The following OSBPL3 variants were observed in gnomAD, a reference collection of about 807,000 sequenced individuals.
OSBPL3 encodes oxysterol binding protein like 3.
Under a neutral mutation model 120.1 loss-of-function variants are expected in OSBPL3, and 65 were observed. The ratio of observed to expected loss-of-function variants is 0.54; its 90% CI spans 0.44 to 0.67. The LOEUF (loss-of-function observed/expected upper bound fraction) is 0.67, where lower values mean the gene tolerates loss of function less well. OSBPL3 is among the 30% of genes least tolerant of loss of function. The probability of loss-of-function intolerance (pLI) is 0.00; values close to 1 mark genes in which losing one functional copy is unlikely to be tolerated. For synonymous variants in OSBPL3, 416 were observed against 402.6 expected, an observed-to-expected ratio of 1.03 and a Z score of -0.40; for missense variants, 1,004 against 1,082.1, an observed-to-expected ratio of 0.93 and a Z score of 1.01.
Position 24,872,032 on chromosome 7 carries a change from A to G in OSBPL3, c.134T>C (p.Met45Thr). 1 of 1,613,618 alleles carries G rather than the reference A, an allele frequency of 6.2e-7. No individual in the cohort carries two copies. Among genetic ancestry groups the G allele is most frequent in the Non-Finnish European group, 8.5e-7 (1 of 1,179,604 alleles). The change falls in exon 3 of 23, where the codon ATG becomes ACG. Residue 45 changes from methionine (M) to threonine (T), a missense_variant. Physicochemically the swap from Met to Thr is moderately conservative, Grantham distance 81. Around this residue, in one of 4 missense-constraint regions of OSBPL3, gnomAD observed 255 missense variants for 248.7 expected, o/e 1.03. Transcript: ENST00000313367. The surrounding 1 kb of genome is among the most constrained non-coding windows in gnomAD (Gnocchi z 4.1). ...AACTGGTGGCTCCTGGGTGTAATTC[A>G]TCTCCCCCCTCAGTCCTTCCACCAC... is the stretch of plus-strand genomic sequence containing the variant. ...WEVVEGLRGE[M>T]NYTQEPPVQK...
chr7:24,816,639 T>G lies in OSBPL3; in HGVS notation c.1998A>C (p.Pro666=). 6.2e-7 allele frequency: 1 copy of G among 1,613,086 alleles called. No homozygotes were observed. The highest frequency in any genetic ancestry group is 1.1e-5 in the South Asian group (1 of 91,056). Residue 666 remains proline, a synonymous_variant, in exon 18 of 23, where the codon CCA becomes CCC. Transcript: ENST00000313367. Reference sequence around the variant, plus strand: ...GCAGAGTCACATGGGTTGTGCCAATTGGAACAATTTCCATGGATTTGCCCC... The same window carrying G: ...GCAGAGTCACATGGGTTGTGCCAATGGGAACAATTTCCATGGATTTGCCCC... ...KFWGKSMEIV[P]IGTTHVTLPV...
chr7:24,962,826 T>A (rs1389189846), intron 1 of OSBPL3, among the ~76,000 whole-genome samples: 2 of 152,210 alleles, frequency 1.3e-5, no homozygotes, highest in Admixed American at 6.5e-5. Flanking sequence ...TACACTGTCC[T>A]TATGCTGGAT....
At chr7:24,909,076 T>G (rs181255124) in intron 1 of OSBPL3, among the ~76,000 whole-genome samples, 7 of 152,326 alleles carry the variant, frequency 4.6e-5, no homozygotes, top group Admixed American at 3.9e-4. Flanking sequence ...ACAGAACTCA[T>G]GATACATTTG....
chr7:24,807,894 CA>C (rs1433516987), intron 20 of OSBPL3, among the ~76,000 whole-genome samples: 1 of 152,122 alleles, frequency 6.6e-6, no homozygotes, highest in East Asian at 1.9e-4. Context: ...AACTCTTCTG[CA>C]GACCCCCCCT....
At chr7:24,963,883 G>A (rs1388578870) in intron 1 of OSBPL3, among the ~76,000 whole-genome samples, 2 of 152,098 alleles carry the variant, frequency 1.3e-5, no homozygotes, top group African/African-American at 2.4e-5. Flanking sequence ...TGATTCTAGA[G>A]GAGGGACAAG....
chr7:24,886,763 G>A (rs1416170868), intron 2 of OSBPL3, among the ~76,000 whole-genome samples: 1 of 152,202 alleles, frequency 6.6e-6, no homozygotes, highest in African/African-American at 2.4e-5. Flanking sequence ...CCAAGCTCAA[G>A]GTTCCAAACC....
intron 5 of OSBPL3, among the ~76,000 whole-genome samples, chr7:24,869,373 T>G (rs1430456866): frequency 1.3e-5 from 2 of 152,188 alleles, no homozygotes; most frequent in Admixed American, 1.3e-4. Flanking sequence ...ACCTAAACTA[T>G]TCTAGTGGAG....
chr7:24,846,102 T>C (rs1249040075), intron 12 of OSBPL3, among the ~76,000 whole-genome samples: 2 of 152,236 alleles, frequency 1.3e-5, no homozygotes, highest in South Asian at 2.1e-4. Context: ...ACCATAATCT[T>C]TATTTCTTTT....
At chr7:24,850,142 T>C (rs936153018) in intron 11 of OSBPL3, among the ~76,000 whole-genome samples, 66 of 152,160 alleles carry the variant, frequency 4.3e-4, no homozygotes, top group Admixed American at 3.3e-4. Flanking sequence ...GCTCTGGGAA[T>C]GGGTAAATGT....
chr7:24,911,130 T>C (rs982703276), intron 1 of OSBPL3, among the ~76,000 whole-genome samples: 1 of 152,242 alleles, frequency 6.6e-6, no homozygotes, highest in Non-Finnish European at 1.5e-5. Flanking sequence ...TGTTTGAGCA[T>C]CTTATGCCAG....
At chr7:24,905,626 C>G (rs1186744938) in intron 1 of OSBPL3, among the ~76,000 whole-genome samples, 4 of 152,204 alleles carry the variant, frequency 2.6e-5, no homozygotes, top group African/African-American at 9.6e-5. Flanking sequence ...GTAGGACATT[C>G]TGACACGCGT....
chr7:24,893,267 A>T (rs1805633195), intron 1 of OSBPL3, among the ~76,000 whole-genome samples: 1 of 152,220 alleles, frequency 6.6e-6, no homozygotes, highest in Non-Finnish European at 1.5e-5. Flanking sequence ...TCTCATATAT[A>T]CATTCAATGG....
Position 24,828,606 on chromosome 7 carries a change from G to GAAGAA in OSBPL3, c.1884+2161_1884+2162insTTCTT, listed in dbSNP as rs1554349905. Reference sequence around the variant, plus strand: ...TGGGCGACAAAGTGAGACTCTGTCTGAAAAAAAAAAAAAAAGAAAAAAAAA... The same window carrying GAAGAA: ...TGGGCGACAAAGTGAGACTCTGTCTGAAGAAAAAAAAAAAAAAAAAGAAAAAAAAA... On this transcript the variant is annotated intron_variant, in intron 16 of 22. Transcript: ENST00000313367. Among the ~76,000 whole-genome samples the GAAGAA allele has an allele frequency of 6.8e-4, 22 of 32,534 alleles. 3 individuals carry two copies. The highest frequency in any genetic ancestry group is 2.4e-3 in the African/African-American group (15 of 6,130). The allele number at this position is 32,534 out of a possible 152,430, so 21.3% of individuals were successfully genotyped here.
chr7:24,886,082 A>G (rs1218568494), intron 2 of OSBPL3, among the ~76,000 whole-genome samples: 2 of 152,244 alleles, frequency 1.3e-5, no homozygotes, highest in African/African-American at 2.4e-5. Context: ...TAATCTTTCT[A>G]CTAAGCAACT....
chr7:24,810,239 C>G (rs1793613826), intron 19 of OSBPL3: 1 of 246,388 alleles, frequency 4.1e-6, no homozygotes, highest in Admixed American at 5.2e-5. Flanking sequence ...TTAACTCTCT[C>G]AGTGGCCGGG....
At chr7:24,928,284 C>T (rs1459112966) in intron 1 of OSBPL3, among the ~76,000 whole-genome samples, 1 of 151,870 alleles carries the variant, frequency 6.6e-6, no homozygotes, top group African/African-American at 2.4e-5. Flanking sequence ...CTCCGCCTCC[C>T]AGGTTCACGC....
At chr7:24,825,097 T>A (rs1318877347) in intron 16 of OSBPL3, among the ~76,000 whole-genome samples, 1 of 152,110 alleles carries the variant, frequency 6.6e-6, no homozygotes, top group East Asian at 1.9e-4. Flanking sequence ...CTTGGGAAGT[T>A]GGTGGAGGAT....
At chr7:24,927,394 T>C (rs967849646) in intron 1 of OSBPL3, among the ~76,000 whole-genome samples, 1 of 152,184 alleles carries the variant, frequency 6.6e-6, no homozygotes, top group African/African-American at 2.4e-5. Context: ...AAATCCAAGC[T>C]ACTCAGTCTA....
Position 24,804,484 on chromosome 7 carries a change from A to G in OSBPL3, c.2445-47T>C. On this transcript the variant is annotated intron_variant, in intron 21 of 22. Coordinates refer to ENST00000313367, the MANE Select transcript of OSBPL3 (RefSeq NM_015550.4). This position sits in a 1 kb window ranked among gnomAD's most constrained non-coding sequence, Gnocchi z 5.4. Reference sequence around the variant, plus strand: ...AATGAAAGGATATGAATTCAAGAAAACAAAACAATCATTACTACTCAACTT... The same window carrying G: ...AATGAAAGGATATGAATTCAAGAAAGCAAAACAATCATTACTACTCAACTT... The G allele has an allele frequency of 1.3e-6, 2 of 1,584,282 alleles. No individual in the cohort carries two copies. The highest frequency in any genetic ancestry group is 1.7e-6 in the Non-Finnish European group (2 of 1,160,156).
Sources: gnomAD v4.1 joint callset for allele counts (sites outside exome capture counted in the v4.1 genomes callset) on GRCh38, gnomAD v4.1.1 for gene constraint, gnomAD v4.1.1 regional missense constraint, Gnocchi (gnomAD v3.1) non-coding constraint, MANE v1.5 for transcripts, NCBI Gene and HGNC (gene_info 2026-07-23, HGNC 2026-07-21) for gene names.